The following GREM2 variants were observed in gnomAD, a reference collection of about 807,000 sequenced individuals.
The protein encoded by GREM2 is gremlin 2, DAN family BMP antagonist.
In GREM2, 11 loss-of-function variants were observed where a neutral mutation model predicts 14.2. That is an observed-to-expected ratio of 0.78 (90% CI 0.49 to 1.28). The LOEUF (loss-of-function observed/expected upper bound fraction) is 1.28, where lower values mean the gene tolerates loss of function less well. GREM2 is among the 50% of genes most tolerant of loss of function. The probability of loss-of-function intolerance (pLI) is 0.00; values close to 1 mark genes in which losing one functional copy is unlikely to be tolerated. For synonymous variants in GREM2, 98 were observed against 97.6 expected (o/e 1.00, Z -0.02); for missense variants, 210 against 218.5 (o/e 0.96, Z 0.24).
Position 240,605,187 on chromosome 1 carries a change from C to T in GREM2, c.-2+6697G>A, listed in dbSNP as rs140652405. On this transcript the variant is annotated intron_variant, in intron 1 of 1. Coordinates refer to ENST00000318160, the MANE Select transcript of GREM2 (RefSeq NM_022469.4). ...CTGTTTCCTTTGTTCAGTGTACTCT[C>T]GTGGCAAAACTGCTGGCGAGTGTAC... Among the ~76,000 whole-genome samples the T allele has an allele frequency of 1.3e-3, 197 of 152,250 alleles. 1 individual carries two copies. Among genetic ancestry groups the T allele is most frequent in the East Asian group, 2.3e-3 (12 of 5,178 alleles).
chr1:240,577,675 C>G (rs1679399252), intron 1 of GREM2, among the ~76,000 whole-genome samples: 1 of 152,194 alleles, frequency 6.6e-6, no homozygotes, highest in Non-Finnish European at 1.5e-5. Context: ...GTCTTAGTGT[C>G]AAGTTGAAGA....
chr1:240,570,655 C>T (rs574064877), intron 1 of GREM2, among the ~76,000 whole-genome samples: 3 of 152,256 alleles, frequency 2.0e-5, no homozygotes, highest in South Asian at 2.1e-4. Flanking sequence ...TTTACACAGG[C>T]GGTCTTTAAA....
chr1:240,593,335 C>G (rs1206679457), intron 1 of GREM2, among the ~76,000 whole-genome samples: 2 of 152,162 alleles, frequency 1.3e-5, no homozygotes. Context: ...ATCTTAGTGT[C>G]CTGTGCAGAG....
Position 240,545,421 on chromosome 1 carries a change from G to A in GREM2, c.-1-51945C>T, listed in dbSNP as rs183911769. Among the ~76,000 whole-genome samples the A allele has an allele frequency of 9.3e-4, 103 of 110,890 alleles. 1 individual carries two copies. Among genetic ancestry groups the A allele is most frequent in the Admixed American group, 6.8e-3 (78 of 11,488 alleles). The allele number at this position is 110,890 out of a possible 152,430, so 72.7% of individuals were successfully genotyped here. A position where few individuals can be genotyped will look rare whatever the true frequency, so the allele number is the denominator to read the frequency against. ...GTCCTTTAGAATAAACCAGTTAAAC[G>A]TAAGTAAAGTGTTTCCCTGAGTTCG... On this transcript the variant is annotated intron_variant, in intron 1 of 1. Transcript: ENST00000318160.
intron 1 of GREM2, among the ~76,000 whole-genome samples, chr1:240,499,845 C>A (rs1677526331): frequency 6.6e-6 from 1 of 152,180 alleles, no homozygotes; most frequent in South Asian, 2.1e-4. Flanking sequence ...TGCTTTGGTG[C>A]TATAAGGGCA....
At chr1:240,604,967 TTATTTAAAAG>T (rs1484876590) in intron 1 of GREM2, among the ~76,000 whole-genome samples, 3 of 152,232 alleles carry the variant, frequency 2.0e-5, no homozygotes, top group Admixed American at 6.5e-5. Flanking sequence ...TTCCTCTTCC[TTATTTAAAAG>T]TGTTTTTACC....
intron 1 of GREM2, among the ~76,000 whole-genome samples, chr1:240,546,512 T>A (rs1678723404): frequency 6.6e-6 from 1 of 152,146 alleles, no homozygotes; most frequent in Admixed American, 6.5e-5. Context: ...GGGCAAGACT[T>A]TATCATATTA....
chr1:240,584,131 C>T (rs1679543296), intron 1 of GREM2, among the ~76,000 whole-genome samples: 1 of 151,986 alleles, frequency 6.6e-6, no homozygotes, highest in Admixed American at 6.6e-5. Context: ...GCAATGACTA[C>T]AACAATGAAA....
chr1:240,512,784 C>A (rs1281860294), intron 1 of GREM2, among the ~76,000 whole-genome samples: 2 of 152,126 alleles, frequency 1.3e-5, no homozygotes, highest in African/African-American at 4.8e-5. Flanking sequence ...ATTTGTTATA[C>A]ATTTAAGTTA....
At chr1:240,597,844 C>G (rs1370549851) in intron 1 of GREM2, among the ~76,000 whole-genome samples, 1 of 152,000 alleles carries the variant, frequency 6.6e-6, no homozygotes, top group Non-Finnish European at 1.5e-5. Flanking sequence ...TTTTCATGCA[C>G]CCCCGAAACA....
chr1:240,529,846 A>T (rs566966025), intron 1 of GREM2, among the ~76,000 whole-genome samples: 2 of 152,206 alleles, frequency 1.3e-5, no homozygotes, highest in Non-Finnish European at 2.9e-5. Context: ...ATTGACATTT[A>T]TCATTGCTGC....
At chr1:240,600,825 A>G (rs1366315968) in intron 1 of GREM2, among the ~76,000 whole-genome samples, 1 of 152,028 alleles carries the variant, frequency 6.6e-6, no homozygotes, top group Non-Finnish European at 1.5e-5. Context: ...TTCCCCATGA[A>G]CTATTAGCTC....
At chr1:240,510,922 T>G (rs1481708534) in intron 1 of GREM2, among the ~76,000 whole-genome samples, 1 of 152,204 alleles carries the variant, frequency 6.6e-6, no homozygotes, top group Admixed American at 6.5e-5. Flanking sequence ...ATTAATTTTA[T>G]TTTGGTTACA....
At chr1:240,532,672 GATAGATAGATAGATA>G (rs1678390998) in intron 1 of GREM2, among the ~76,000 whole-genome samples, 3 of 125,006 alleles carry the variant, frequency 2.4e-5, no homozygotes, top group Non-Finnish European at 5.5e-5. Context: ...TAGATAGATA[GATAGATAGATAGATA>G]TATGGCAAGA....
intron 1 of GREM2, among the ~76,000 whole-genome samples, chr1:240,557,608 C>G (rs80284336): frequency 0.11 from 16,215 of 151,960 alleles, 970 homozygotes; most frequent in African/African-American, 0.14. Flanking sequence ...CATTTACAAT[C>G]TATTAATCCA....
chr1:240,495,353 A>G (rs1677385083), intron 1 of GREM2, among the ~76,000 whole-genome samples: 1 of 152,146 alleles, frequency 6.6e-6, no homozygotes, highest in Non-Finnish European at 1.5e-5. Flanking sequence ...TATATACATC[A>G]TATGTATCAT....
chr1:240,563,217 TTGAG>T (rs948465199), intron 1 of GREM2, among the ~76,000 whole-genome samples: 1 of 150,936 alleles, frequency 6.6e-6, no homozygotes, highest in African/African-American at 2.5e-5. Context: ...GAGTGTGTGT[TTGAG>T]TGTGCGTGAG....
intron 1 of GREM2, among the ~76,000 whole-genome samples, chr1:240,514,730 C>A (rs1677913741): frequency 6.6e-6 from 1 of 152,178 alleles, no homozygotes; most frequent in South Asian, 2.1e-4. Context: ...GAAACACCAT[C>A]TCTACAAAAA....
intron 1 of GREM2, among the ~76,000 whole-genome samples, chr1:240,522,820 C>A (rs1678133282): frequency 6.6e-6 from 1 of 152,048 alleles, no homozygotes; most frequent in Admixed American, 6.6e-5. Context: ...TGTCCTTGAG[C>A]TTTATTTACA....
Sources: gnomAD v4.1 joint callset for allele counts (sites outside exome capture counted in the v4.1 genomes callset) on GRCh38, gnomAD v4.1.1 for gene constraint, MANE v1.5 for transcripts, NCBI Gene and HGNC (gene_info 2026-07-23, HGNC 2026-07-21) for gene names.